Variants in NDUFA10 observed in about 807,000 individuals in gnomAD.
NDUFA10 encodes NADH dehydrogenase [ubiquinone] 1 alpha subcomplex subunit 10, mitochondrial.
Under a neutral mutation model 47.8 loss-of-function variants are expected in NDUFA10, and 40 were observed. The ratio of observed to expected loss-of-function variants is 0.84; its 90% CI spans 0.65 to 1.09. The LOEUF (loss-of-function observed/expected upper bound fraction) is 1.09. Among genes scored for constraint, NDUFA10 ranks in the 50% least tolerant of loss-of-function variants. The pLI is 0.00. For missense variants in NDUFA10, 413 were observed against 451.1 expected (o/e 0.92, Z 0.76); for synonymous variants, 183 against 172.2 (o/e 1.06, Z -0.49).
At position 239,945,241 on chromosome 2, in the gene NDUFA10, G is replaced by A. The variant is rs749264861; in HGVS notation, c.294+44833C>T. Among the ~76,000 whole-genome samples the A allele has an allele frequency of 6.6e-5, 10 of 152,206 alleles. No individual in the cohort carries two copies. The highest frequency in any genetic ancestry group is 2.2e-4 in the African/African-American group (9 of 41,448). ...GCGTTGAGCAGGCCGCTCTGCAGAC[G>A]CTGGGCTCCTTCATTTGCACAACCG... On this transcript the variant is annotated intron_variant, in intron 4 of 5. Transcript: ENST00000419408. The surrounding 1 kb of genome is among the most constrained non-coding windows in gnomAD (Gnocchi z 4.6).
intron 8 of NDUFA10, among the ~76,000 whole-genome samples, chr2:239,996,799 GT>G (rs950361020): frequency 2.0e-5 from 3 of 148,258 alleles, no homozygotes; most frequent in Non-Finnish European, 3.0e-5. Flanking sequence ...AACATTGTGA[GT>G]TTTTTTGCCT....
At chr2:239,939,131 G>A (rs114728926) in intron 4 of NDUFA10, among the ~76,000 whole-genome samples, 6,019 of 152,280 alleles carry the variant, frequency 0.04, 388 homozygotes, top group African/African-American at 0.14. Context: ...CCTCGGACCC[G>A]CGGACAGTCA....
intron 9 of NDUFA10, among the ~76,000 whole-genome samples, chr2:239,965,466 C>T (rs1695021579): frequency 6.6e-6 from 1 of 152,200 alleles, no homozygotes; most frequent in Non-Finnish European, 1.5e-5. Flanking sequence ...CGCATGATAA[C>T]GCCTCAGGGA....
intron 6 of NDUFA10, among the ~76,000 whole-genome samples, chr2:240,009,787 GTTTA>G (rs981563339): frequency 2.0e-5 from 3 of 152,110 alleles, no homozygotes; most frequent in African/African-American, 7.2e-5. Context: ...TGATTTTACT[GTTTA>G]TTAATTATCT....
At chr2:239,972,998 A>G (rs1412964005) in intron 9 of NDUFA10, among the ~76,000 whole-genome samples, 1 of 152,248 alleles carries the variant, frequency 6.6e-6, no homozygotes, top group Non-Finnish European at 1.5e-5. Context: ...CAGCAATCAC[A>G]TACAAACCAA....
In NDUFA10 at chr2:240,025,164, T is replaced by TCGC; in HGVS notation, c.75+62_75+63insGCG. The TCGC allele has an allele frequency of 1.3e-5, 8 of 594,916 alleles. 2 individuals are homozygous for TCGC. Among genetic ancestry groups the TCGC allele is most frequent in the Non-Finnish European group, 2.2e-5 (8 of 364,544 alleles). 36.9% of individuals were successfully genotyped at this position (594,916 alleles called of 1,614,324 possible). On this transcript the variant is annotated intron_variant, in intron 1 of 9. Transcript: ENST00000252711. Reference sequence around the variant, plus strand: ...GAGGCCGGGGGAGATGTGGAACTGCTCCCCACCCCGCCACCCCGCCACCCT... The same window carrying TCGC: ...GAGGCCGGGGGAGATGTGGAACTGCTCGCCCCCACCCCGCCACCCCGCCACCCT...
chr2:240,019,818 CAAAAAAAAAAAAAAAA>C lies in NDUFA10; in HGVS notation c.461-1195_461-1180del, dbSNP rs60278142. ...TGGGCGACAGAGCGAGACTCCGTCT[CAAAAAAAAAAAAAAAA>C]AAAAAAAAAAAAAAAGAACGTGGAG... is the stretch of plus-strand genomic sequence containing the variant. On this transcript the variant is annotated intron_variant, in intron 3 of 9. Transcript: ENST00000252711. Among the ~76,000 whole-genome samples the C allele has an allele frequency of 3.3e-4, 4 of 12,208 alleles. 1 individual carries two copies. Among genetic ancestry groups the C allele is most frequent in the Admixed American group, 2.6e-3 (2 of 756 alleles). The allele number at this position is 12,208 out of a possible 152,430, so 8.0% of individuals were successfully genotyped here. A position where few individuals can be genotyped will look rare whatever the true frequency, so the allele number is the denominator to read the frequency against.
rs1694100155 is a variant in NDUFA10, at chr2:239,928,350, G to A, written c.295-33036C>T. Among the ~76,000 whole-genome samples the A allele has an allele frequency of 6.6e-6, 1 of 152,092 alleles. No homozygotes were observed. The highest frequency in any genetic ancestry group is 2.4e-5 in the African/African-American group (1 of 41,418). ...ATGAATCATGACTAAAGAAAAGAAG[G>A]CAAAAGACAAGATGAAATACAGAGC... On this transcript the variant is annotated intron_variant, in intron 4 of 5. Coordinates refer to the NDUFA10 transcript ENST00000419408. This position sits in a 1 kb window ranked among gnomAD's most constrained non-coding sequence, Gnocchi z 4.3.
chr2:239,957,099 C>A (rs1358274075), downstream of NDUFA10, among the ~76,000 whole-genome samples: 6 of 152,344 alleles, frequency 3.9e-5, no homozygotes, highest in South Asian at 4.1e-4. Context: ...TCAGACACCC[C>A]CCTCCACTGC....
chr2:240,013,805 G>C (rs572309899), intron 5 of NDUFA10: 11 of 152,362 alleles, frequency 7.2e-5, no homozygotes, highest in Non-Finnish European at 1.5e-4. Flanking sequence ...GGGCATCAGA[G>C]TGAGGAACAG....
chr2:239,940,328 A>T (rs888540132), intron 4 of NDUFA10, among the ~76,000 whole-genome samples: 7 of 152,162 alleles, frequency 4.6e-5, no homozygotes, highest in African/African-American at 1.7e-4. Context: ...AAGGGAAGAG[A>T]GTGTGTGGCA....
Position 240,021,474 on chromosome 2 carries a change from T to C in NDUFA10, c.245-62A>G, listed in dbSNP as rs992502591. ...ATCACTCACTCCCCGCAGGGAGCAGTGGGGACTAGCCAAAACACACAGCCC... is the reference window on the plus strand; with the variant it reads ...ATCACTCACTCCCCGCAGGGAGCAGCGGGGACTAGCCAAAACACACAGCCC... On this transcript the variant is annotated intron_variant, in intron 2 of 9. Transcript: ENST00000252711. The C allele has an allele frequency of 7.4e-6, 11 of 1,478,690 alleles. No individual in the cohort carries two copies. In the African/African-American group the frequency reaches 1.5e-4, roughly 20 times the overall value. 91.6% of individuals were successfully genotyped at this position (1,478,690 alleles called of 1,614,324 possible). A position where few individuals can be genotyped will look rare whatever the true frequency, so the allele number is the denominator to read the frequency against.
At chr2:239,991,873 A>G (rs1038550135) in intron 8 of NDUFA10, among the ~76,000 whole-genome samples, 3 of 152,246 alleles carry the variant, frequency 2.0e-5, no homozygotes, top group Admixed American at 6.5e-5. Context: ...GGCCTGGACC[A>G]TGTGTAGTAT....
chr2:239,994,532 A>T (rs753444910), intron 8 of NDUFA10, among the ~76,000 whole-genome samples: 3 of 152,152 alleles, frequency 2.0e-5, no homozygotes, highest in Non-Finnish European at 4.4e-5. Context: ...GGTGAGTTGT[A>T]GAATTATTTC....
intron 4 of NDUFA10, among the ~76,000 whole-genome samples, chr2:239,900,315 C>CATATATATATAT (rs142452963): frequency 6.3e-5 from 9 of 142,722 alleles, no homozygotes; most frequent in African/African-American, 1.6e-4. Context: ...AACTCCCCTT[C>CATATATATATAT]ATATATATAT....
Position 240,016,367 on chromosome 2 carries a change from C to G in NDUFA10, c.548-1507G>C, listed in dbSNP as rs1220710736. Among the ~76,000 whole-genome samples, 3 of 152,290 alleles carry G rather than the reference C, an allele frequency of 2.0e-5. No individual in the cohort carries two copies. Among genetic ancestry groups the G allele is most frequent in the East Asian group, 3.9e-4 (2 of 5,168 alleles). On this transcript the variant is annotated intron_variant, in intron 4 of 9. Transcript: ENST00000252711. The surrounding 1 kb of genome is among the most constrained non-coding windows in gnomAD (Gnocchi z 4.4). ...GAAACCTCCCTTCACCGAGTCTGCTCTCACCCTGCTTCCCACCCTCACCCT... is the reference window on the plus strand; with the variant it reads ...GAAACCTCCCTTCACCGAGTCTGCTGTCACCCTGCTTCCCACCCTCACCCT...
At chr2:239,898,989 A>AGGTGTGATGGAGG (rs1559259332) in intron 4 of NDUFA10, among the ~76,000 whole-genome samples, 1 of 70,780 alleles carries the variant, frequency 1.4e-5, no homozygotes, top group African/African-American at 4.5e-5. Context: ...TATGATGGAG[A>AGGTGTGATGGAGG]GGTGTGATGG....
intron 8 of NDUFA10, among the ~76,000 whole-genome samples, chr2:239,997,410 A>C (rs942912022): frequency 2.6e-4 from 40 of 152,262 alleles, no homozygotes; most frequent in African/African-American, 8.9e-4. Flanking sequence ...TAAAATGCAA[A>C]GTAAAACAAA....
intron 5 of NDUFA10, chr2:240,013,434 G>C (rs1279119271): frequency 6.6e-6 from 1 of 152,206 alleles, no homozygotes; most frequent in Non-Finnish European, 1.5e-5. Flanking sequence ...TTAAATGTAT[G>C]ACTTTGTTTT....
Sources: gnomAD v4.1 joint callset for allele counts (sites outside exome capture counted in the v4.1 genomes callset) on GRCh38, gnomAD v4.1.1 for gene constraint, Gnocchi (gnomAD v3.1) non-coding constraint, MANE v1.5 for transcripts, NCBI Gene and HGNC (gene_info 2026-07-23, HGNC 2026-07-21) for gene names.